Variants in AARSD1 observed in about 807,000 individuals in gnomAD.
AARSD1 encodes the protein alanyl-tRNA synthetase domain containing 1, also known as alanyl-tRNA editing protein Aarsd1.
A neutral mutation model predicts 48.7 loss-of-function variants in AARSD1; 44 were observed. The observed-to-expected ratio is 0.90, with a 90% confidence interval of 0.71 to 1.16. The LOEUF is 1.16. Among genes scored for constraint, AARSD1 ranks in the 50% most tolerant of loss-of-function variants. The pLI, the probability that AARSD1 is intolerant of heterozygous loss-of-function variation, is 0.00. For missense variants in AARSD1, 511 were observed against 523.1 expected (o/e 0.98, Z 0.23); for synonymous variants, 189 against 194.9 (o/e 0.97, Z 0.25).
chr17:42,957,342 T>C (rs879883370), intron 3 of AARSD1, 147 bp from the exon 4 acceptor site: 8 of 962,218 alleles, frequency 8.3e-6, no homozygotes, highest in South Asian at 4.0e-5. Flanking sequence ...AGATACTTTA[T>C]TGAAAATCAC....
intron 1 of AARSD1, 42 bp downstream of exon 1, chr17:42,964,360 T>C: frequency 2.6e-6 from 4 of 1,566,196 alleles, no homozygotes; most frequent in African/African-American, 1.4e-5. Context: ...CAAACCGCCT[T>C]GCCGGCCCGG....
At chr17:42,958,969 C>T (rs1045055855) in intron 3 of AARSD1, among the ~76,000 whole-genome samples, 46 of 150,612 alleles carry the variant, frequency 3.1e-4, no homozygotes, top group African/African-American at 1.0e-3. Context: ...GAGGCCGAGG[C>T]GAGCAGATCA....
Position 42,955,849 on chromosome 17 carries a change from G to C in AARSD1, c.787C>G (p.Leu263Val), listed in dbSNP as rs1408909772. The change falls in exon 7 of 12, where the codon CTG becomes GTG. Residue 263 changes from leucine (L) to valine (V), a missense_variant. Physicochemically the swap from Leu to Val is conservative, Grantham distance 32 (BLOSUM62 1). Transcript: ENST00000427569. ...SHGTEKALTA[L>V]LKCGAEDHVE... is the part of the protein sequence containing the mutation. The stretch of plus-strand genomic sequence containing the variant: ...GTACTGAAACAGGCATACTTAAGCA[G>C]AGCAGTCAGTGCTTTTTCAGTTCCA... 1 of 1,614,100 alleles carries C rather than the reference G, an allele frequency of 6.2e-7. No individual in the cohort carries two copies.
At position 42,954,878 on chromosome 17, in the gene AARSD1, G is replaced by T. The variant is rs975461199; in HGVS notation, c.951C>A (p.His317Gln). The change falls in exon 9 of 12, where the codon CAC becomes CAA. Residue 317 changes from histidine to glutamine, a missense_variant and splice_region_variant. His to Gln is a conservative substitution (Grantham distance 24). Transcript: ENST00000427569. ...SPDWGGVVIL[H>Q]RKEGDSEFMN... is the part of the protein sequence containing the mutation. ...GTGTCCAGCTCCTAATTTCTCACCT[G>T]TGTAATATGACCACACCTCCCCAGT... The T allele has an allele frequency of 6.2e-7, 1 of 1,613,854 alleles. No homozygotes were observed. Among genetic ancestry groups the T allele is most frequent in the African/African-American group, 1.3e-5 (1 of 74,892 alleles).
rs770518171 is a variant in AARSD1 at position 42,955,813 on chromosome 17, G to C, written c.794+29C>G. 3.1e-6 allele frequency: 5 copies of C among 1,613,076 alleles called. No homozygotes were observed. The African/African-American group carries it at 4.0e-5, about 13-fold the overall frequency. ...TATGTCGAAAATCTCAGAAATGGGA[G>C]GTAATCGAAGGTACTGAAACAGGCA... On this transcript the variant is annotated intron_variant, in intron 7 of 11. Coordinates refer to ENST00000427569, the MANE Select transcript of AARSD1 (RefSeq NM_001261434.2).
intron 10 of AARSD1, among the ~76,000 whole-genome samples, chr17:42,953,186 C>T (rs977660606): frequency 6.6e-6 from 1 of 152,046 alleles, no homozygotes; most frequent in Admixed American, 6.6e-5. Flanking sequence ...TACCATGTTG[C>T]CCAGGGTGGT....
At chr17:42,954,517 C>G (rs1163884569) in intron 9 of AARSD1, among the ~76,000 whole-genome samples, 1 of 152,018 alleles carries the variant, frequency 6.6e-6, no homozygotes, top group African/African-American at 2.4e-5. Context: ...TCACCACAAC[C>G]TCTGCCTCCC....
intron 10 of AARSD1, among the ~76,000 whole-genome samples, chr17:42,953,401 C>T (rs540332742): frequency 1.3e-5 from 2 of 152,108 alleles, no homozygotes; most frequent in East Asian, 1.9e-4. Flanking sequence ...TGAGCCACCG[C>T]GACCAGCCCA....
chr17:42,962,304 A>G, intron 2 of AARSD1: 1 of 200,630 alleles, frequency 5.0e-6, no homozygotes, highest in Non-Finnish European at 1.1e-5. Flanking sequence ...ATCTCAAAAA[A>G]AAAAAAAAAA....
intron 4 of AARSD1, 70 bp downstream of exon 4, chr17:42,957,068 C>A: frequency 6.5e-7 from 1 of 1,542,606 alleles, no homozygotes. Flanking sequence ...TCAAGCAATT[C>A]TCCCACCTCC....
In AARSD1 at chr17:42,957,214, A is replaced by C. The variant is rs1449651176; in HGVS notation, c.332-19T>G. The stretch of plus-strand genomic sequence containing the variant: ...TGCTGCCCTAAGCAAAGAGAGCCAG[A>C]GACAGGAGAAAAGTGAGAAGCCTAC... On this transcript the variant is annotated intron_variant, in intron 3 of 11. Coordinates refer to ENST00000427569, the MANE Select transcript of AARSD1 (RefSeq NM_001261434.2). 1.2e-6 allele frequency: 2 copies of C among 1,613,130 alleles called. No individual in the cohort carries two copies. The highest frequency in any genetic ancestry group is 1.7e-6 in the Non-Finnish European group (2 of 1,179,562).
At chr17:42,953,058 C>T (rs1161988364) in intron 10 of AARSD1, among the ~76,000 whole-genome samples, 2 of 152,226 alleles carry the variant, frequency 1.3e-5, no homozygotes, top group African/African-American at 4.8e-5. Flanking sequence ...CAGCTCACTG[C>T]AACCTCTGCC....
intron 4 of AARSD1, among the ~76,000 whole-genome samples, chr17:42,956,909 C>T (rs559917969): frequency 9.5e-5 from 14 of 148,038 alleles, no homozygotes; most frequent in East Asian, 3.9e-4. Context: ...CCTCGTGATC[C>T]GCCCGCCTCG....
intron 3 of AARSD1, among the ~76,000 whole-genome samples, chr17:42,959,630 C>CTTG (rs1022845679): frequency 6.6e-6 from 1 of 151,460 alleles, no homozygotes; most frequent in African/African-American, 2.4e-5. Flanking sequence ...AGTGCTAGGA[C>CTTG]TACAGCAGTG....
intron 10 of AARSD1, among the ~76,000 whole-genome samples, chr17:42,953,291 T>C (rs1352116217): frequency 6.6e-6 from 1 of 152,122 alleles, no homozygotes; most frequent in Admixed American, 6.5e-5. Flanking sequence ...GATTTTTCTA[T>C]TTTTAGTAGA....
chr17:42,952,064 G>T, intron 10 of AARSD1, 170 bp from the exon 11 acceptor site: 2 of 672,590 alleles, frequency 3.0e-6, no homozygotes, highest in Non-Finnish European at 4.9e-6. Context: ...CGAGGGCCAA[G>T]AAACTTTTTG....
At chr17:42,964,079 C>T in intron 2 of AARSD1, 27 bp downstream of exon 2, 1 of 1,613,534 alleles carries the variant, frequency 6.2e-7, no homozygotes, top group East Asian at 2.2e-5. Flanking sequence ...AAACTGGGGG[C>T]TTCCTGGGAA....
At chr17:42,956,086 TGAAGGGGAGATTTCACTTAGGACTCCTC>T in intron 6 of AARSD1, 90 bp downstream of exon 6, 1 of 1,609,488 alleles carries the variant, frequency 6.2e-7, no homozygotes, top group South Asian at 1.1e-5. Flanking sequence ...TCTGAAACAG[TGAAGGGGAGATTTCACTTAGGACTCCTC>T]GATTATCCCC....
At chr17:42,959,431 G>C (rs2049601970) in intron 3 of AARSD1, among the ~76,000 whole-genome samples, 1 of 151,668 alleles carries the variant, frequency 6.6e-6, no homozygotes, top group South Asian at 2.1e-4. Context: ...GGCCAGGCTG[G>C]TCTCGAACTC....
Sources: allele counts gnomAD v4.1 joint callset (sites outside exome capture counted in the v4.1 genomes callset), GRCh38; gene constraint gnomAD v4.1.1; transcripts MANE v1.5; gene names NCBI Gene and HGNC (gene_info 2026-07-23, HGNC 2026-07-21).